The following MON2 variants were observed in gnomAD, a reference collection of about 807,000 sequenced individuals.
MON2 encodes MON2 regulator of endosome-to-Golgi trafficking, also known as protein MON2 homolog.
Under a neutral mutation model 208.6 loss-of-function variants are expected in MON2, and 84 were observed. The observed-to-expected ratio is 0.40, with a 90% CI of 0.34 to 0.48. MON2 has a LOEUF of 0.48. MON2 is among the 20% of genes least tolerant of loss of function. MON2 has a pLI of 0.59. For missense variants in MON2, 1,611 were observed against 2,015.4 expected, an observed-to-expected ratio of 0.80 and a Z score of 3.84; for synonymous variants, 660 against 694.0, an observed-to-expected ratio of 0.95 and a Z score of 0.77.
At position 62,596,696 on chromosome 12, in the gene MON2, T is replaced by C. The variant is rs1209098012; in HGVS notation, c.*3947T>C. The C allele has an allele frequency of 6.6e-6, 1 of 152,226 alleles. No individual in the cohort carries two copies. Among genetic ancestry groups the C allele is most frequent in the Non-Finnish European group, 1.5e-5 (1 of 68,034 alleles). 9.4% of individuals were successfully genotyped at this position (152,226 alleles called of 1,614,324 possible). A position where few individuals can be genotyped will look rare whatever the true frequency, so the allele number is the denominator to read the frequency against. ...TAGTATTTTACCAATTTATATAAAG[T>C]GGGAAAAGTCTTTAATACTTCATGA... On this transcript the variant is annotated 3_prime_UTR_variant, in exon 35 of 35. Coordinates refer to ENST00000393630, the MANE Select transcript of MON2 (RefSeq NM_015026.3).
chr12:62,587,072 G>C (rs909923637), intron 33 of MON2, among the ~76,000 whole-genome samples: 1 of 152,126 alleles, frequency 6.6e-6, no homozygotes, highest in African/African-American at 2.4e-5. Context: ...TGCACACCAG[G>C]AATGGGGAGG....
At chr12:62,497,220 C>T (rs1018344237) in intron 4 of MON2, among the ~76,000 whole-genome samples, 2 of 148,048 alleles carry the variant, frequency 1.4e-5, no homozygotes, top group African/African-American at 5.0e-5. Context: ...TGCTAAATGA[C>T]GAGTTAATGG....
chr12:62,504,303 C>A (rs149514987), intron 7 of MON2, among the ~76,000 whole-genome samples: 1 of 139,118 alleles, frequency 7.2e-6, no homozygotes, highest in Non-Finnish European at 1.5e-5. Flanking sequence ...GGAGTGCAGT[C>A]GCATGATCTC....
At chr12:62,484,031 G>T in intron 1 of MON2, 139 bp from the exon 2 acceptor site, 1 of 640,394 alleles carries the variant, frequency 1.6e-6, no homozygotes, top group Admixed American at 2.8e-5. Context: ...CTTAGTATCT[G>T]ATGGTTTGAA....
intron 2 of MON2, among the ~76,000 whole-genome samples, chr12:62,485,854 A>G (rs1283403151): frequency 6.6e-6 from 1 of 151,984 alleles, no homozygotes; most frequent in Non-Finnish European, 1.5e-5. Context: ...CAGGTGCCCA[A>G]CACCACATCT....
chr12:62,481,951 A>G lies in MON2; in HGVS notation c.112-2219A>G, dbSNP rs532953522. The stretch of plus-strand genomic sequence containing the variant: ...AACAACTAGAACCATGGCAAAACTC[A>G]TGCCAGCGTGACCGTTACGGCTGTG... On this transcript the variant is annotated intron_variant, in intron 1 of 34. Transcript: ENST00000393630. 4.6e-5 allele frequency among the ~76,000 whole-genome samples: 7 copies of G among 152,336 alleles called. No individual in the cohort carries two copies. The South Asian group carries it at 1.4e-3, about 32-fold the overall frequency.
At chr12:62,570,772 T>C (rs10877878) in intron 29 of MON2, among the ~76,000 whole-genome samples, 53,978 of 137,220 alleles carry the variant, frequency 0.39, 11,368 homozygotes, top group African/African-American at 0.53. Flanking sequence ...CTCACTCTGT[T>C]GCCGGGCTGG....
intron 26 of MON2, 33 bp downstream of exon 26, chr12:62,561,146 A>G: frequency 1.3e-6 from 2 of 1,515,246 alleles, no homozygotes; most frequent in Non-Finnish European, 1.8e-6. Context: ...GTAATACTGC[A>G]TATAGTTCTC....
At chr12:62,582,477 C>T (rs916468416) in intron 32 of MON2, among the ~76,000 whole-genome samples, 2 of 152,194 alleles carry the variant, frequency 1.3e-5, no homozygotes, top group Admixed American at 1.3e-4. Flanking sequence ...AGTGGGAAAT[C>T]ATTAGGCATC....
chr12:62,509,854 T>A (rs1183247977), intron 8 of MON2, among the ~76,000 whole-genome samples: 1 of 147,238 alleles, frequency 6.8e-6, no homozygotes, highest in African/African-American at 2.5e-5. Flanking sequence ...AGAAAAGCAA[T>A]AGAGAGAATC....
intron 22 of MON2, 137 bp downstream of exon 22, chr12:62,547,209 T>C (rs1021614988): frequency 9.2e-6 from 5 of 541,100 alleles, no homozygotes; most frequent in African/African-American, 4.0e-5. Context: ...ATTTTTTTCA[T>C]GTATGCGCTT....
chr12:62,560,571 G>T lies in MON2; in HGVS notation c.3490G>T (p.Ala1164Ser). 6.2e-7 allele frequency: 1 copy of T among 1,613,886 alleles called. No individual in the cohort carries two copies. ...ALSKNNEVSL[A>S]ALKSFQEILQ... ...CAGCAAAAACAATGAAGTATCTCTG[G>T]CTGCTCTGAAAAGCTTCCAGGAAAT... is the stretch of plus-strand genomic sequence containing the variant. The change falls in exon 26 of 35, where the codon GCT (alanine) becomes TCT (serine). Residue 1164 changes from alanine to serine, a missense_variant. Coordinates refer to ENST00000393630, the MANE Select transcript of MON2 (RefSeq NM_015026.3).
chr12:62,529,463 A>G (rs2072512862), intron 11 of MON2, among the ~76,000 whole-genome samples: 1 of 152,146 alleles, frequency 6.6e-6, no homozygotes, highest in South Asian at 2.1e-4. Flanking sequence ...TTTCTTTATT[A>G]ATTACCTACC....
chr12:62,546,870 CTAAT>C (rs778261671), intron 21 of MON2, 23 bp from the exon 22 acceptor site: 1 of 1,536,980 alleles, frequency 6.5e-7, no homozygotes, highest in Non-Finnish European at 8.8e-7. Flanking sequence ...ACTTCTCTTC[CTAAT>C]TAGTTTCTTG....
rs146926759 is a variant in MON2 at position 62,477,772 on chromosome 12, G to A, written c.112-6398G>A. Among the ~76,000 whole-genome samples the A allele has an allele frequency of 1.7e-4, 26 of 152,094 alleles. 1 individual carries two copies. The East Asian group carries it at 4.8e-3, about 28-fold the overall frequency. On this transcript the variant is annotated intron_variant, in intron 1 of 34. Transcript: ENST00000393630. The stretch of plus-strand genomic sequence containing the variant: ...CTCCCCACCTCACCTCCATTCCTGC[G>A]CAAGTTACATAATGCTAGTGAGTGC...
At chr12:62,564,371 A>G (rs1023766586) in intron 26 of MON2, among the ~76,000 whole-genome samples, 1 of 152,058 alleles carries the variant, frequency 6.6e-6, no homozygotes, top group African/African-American at 2.4e-5. Flanking sequence ...TAAAGTGATC[A>G]TCCTTTTTGT....
intron 21 of MON2, among the ~76,000 whole-genome samples, chr12:62,545,322 C>G (rs1262686232): frequency 6.6e-6 from 1 of 151,602 alleles, no homozygotes; most frequent in Non-Finnish European, 1.5e-5. Context: ...TTGGTCTTCA[C>G]ATGTCCCTGG....
At chr12:62,578,271 T>G (rs1045720629) in intron 30 of MON2, among the ~76,000 whole-genome samples, 174 bp from the exon 31 acceptor site, 1 of 152,166 alleles carries the variant, frequency 6.6e-6, no homozygotes, top group African/African-American at 2.4e-5. Flanking sequence ...TGTAATTAGC[T>G]TAGTCATTTA....
At chr12:62,488,360 G>C (rs746448607) in intron 2 of MON2, among the ~76,000 whole-genome samples, 1 of 152,092 alleles carries the variant, frequency 6.6e-6, no homozygotes, top group Non-Finnish European at 1.5e-5. Flanking sequence ...AAATATAAAA[G>C]TATCAAGTAA....
Sources: allele counts gnomAD v4.1 joint callset (sites outside exome capture counted in the v4.1 genomes callset), GRCh38; gene constraint gnomAD v4.1.1; transcripts MANE v1.5; gene names NCBI Gene and HGNC (gene_info 2026-07-23, HGNC 2026-07-21).